STAB2: variants seen among roughly 807,000 people sequenced by gnomAD.
STAB2 encodes stabilin-2.
Under a neutral mutation model 338.1 loss-of-function variants are expected in STAB2, and 288 were observed. That is an observed-to-expected ratio of 0.85 (90% CI 0.77 to 0.94). STAB2 has a LOEUF of 0.94. Among genes scored for constraint, STAB2 ranks in the 40% least tolerant of loss-of-function variants. STAB2 has a pLI of 0.00. For missense variants in STAB2, 3,141 were observed against 3,210.1 expected, an observed-to-expected ratio of 0.98 and a Z score of 0.52; for synonymous variants, 1,202 against 1,193.3, an observed-to-expected ratio of 1.01 and a Z score of -0.15.
At chr12:103,757,670 A>T (rs150353337) in intron 63 of STAB2, among the ~76,000 whole-genome samples, 372 of 152,348 alleles carry the variant, frequency 2.4e-3, no homozygotes, top group African/African-American at 8.5e-3. Flanking sequence ...TCCAGGCAGA[A>T]GGAACAGTCC....
chr12:103,765,680 A>G (rs974413997), intron 68 of STAB2, among the ~76,000 whole-genome samples: 2 of 152,100 alleles, frequency 1.3e-5, no homozygotes, highest in Non-Finnish European at 2.9e-5. Context: ...CCTCCCGAGT[A>G]GCTGGGCCTA....
rs758529143 is a variant in STAB2, at chr12:103,689,997, T to C, written c.3182+15T>C. ...GCCCTAATAAAGTAGGTGTTACTTATTTTATTTTACATCGTATCTGAATGG... is the reference window on the plus strand; with the variant it reads ...GCCCTAATAAAGTAGGTGTTACTTACTTTATTTTACATCGTATCTGAATGG... On this transcript the variant is annotated intron_variant, in intron 29 of 68. Coordinates refer to ENST00000388887, the MANE Select transcript of STAB2 (RefSeq NM_017564.10). 6.2e-7 allele frequency: 1 copy of C among 1,609,806 alleles called. No individual in the cohort carries two copies. Among genetic ancestry groups the C allele is most frequent in the African/African-American group, 1.3e-5 (1 of 74,632 alleles).
In STAB2 at chr12:103,601,632, G is replaced by C. The variant is rs559073272; in HGVS notation, c.331+7122G>C. ...AGAAACCCTTAAAGACCAAGCTCTG[G>C]CTTCTGGAATGTGCTCAGCAATGCT... On this transcript the variant is annotated intron_variant, in intron 3 of 68. Transcript: ENST00000388887. Among the ~76,000 whole-genome samples, 15 of 152,258 alleles carry C rather than the reference G, an allele frequency of 9.9e-5. No individual in the cohort carries two copies. The East Asian group carries it at 2.3e-3, about 23-fold the overall frequency.
intron 3 of STAB2, among the ~76,000 whole-genome samples, chr12:103,606,999 A>G (rs1957038885): frequency 6.6e-6 from 1 of 152,130 alleles, no homozygotes; most frequent in African/African-American, 2.4e-5. Context: ...CAAAACAAAA[A>G]ACAAAAACAA....
chr12:103,652,664 A>T lies in STAB2; in HGVS notation c.1366A>T (p.Thr456Ser). Residue 456 changes from threonine to serine, a missense_variant, in exon 12 of 69, where the codon ACC (threonine) becomes TCC (serine). Coordinates refer to ENST00000388887, the MANE Select transcript of STAB2 (RefSeq NM_017564.10). ...EYMNNTDMFY[T>S]LTGKSGEIFN... Reference sequence around the variant, plus strand: ...TATGAATAACACAGACATGTTCTACACCTTGACTGGAAAGTCGGGGGAAAT... The same window carrying T: ...TATGAATAACACAGACATGTTCTACTCCTTGACTGGAAAGTCGGGGGAAAT... 6.2e-7 allele frequency: 1 copy of T among 1,603,986 alleles called. No individual in the cohort carries two copies. Among genetic ancestry groups the T allele is most frequent in the Non-Finnish European group, 8.5e-7 (1 of 1,176,030 alleles).
chr12:103,730,022 A>G, intron 48 of STAB2, 94 bp from the exon 49 acceptor site: 1 of 1,260,866 alleles, frequency 7.9e-7, no homozygotes, highest in South Asian at 1.8e-5. Flanking sequence ...TTTGCTCCTG[A>G]TAATTTGACA....
intron 22 of STAB2, among the ~76,000 whole-genome samples, chr12:103,671,713 G>A (rs1400746293): frequency 6.6e-6 from 1 of 152,070 alleles, no homozygotes; most frequent in Non-Finnish European, 1.5e-5. Flanking sequence ...ATCTATTGTT[G>A]TTGCTGTTAG....
At chr12:103,627,469 G>T (rs1209426970) in intron 5 of STAB2, among the ~76,000 whole-genome samples, 3 of 152,158 alleles carry the variant, frequency 2.0e-5, no homozygotes, top group African/African-American at 7.2e-5. Flanking sequence ...TTAAAGTCAC[G>T]CCACCCAAGT....
chr12:103,736,955 C>T (rs1244163683), intron 52 of STAB2, among the ~76,000 whole-genome samples: 1 of 152,164 alleles, frequency 6.6e-6, no homozygotes, highest in Non-Finnish European at 1.5e-5. Flanking sequence ...TTATTGCCAG[C>T]ATTAAATGAA....
intron 21 of STAB2, 34 bp from the exon 22 acceptor site, chr12:103,670,662 C>T (rs749584062): frequency 6.5e-7 from 1 of 1,541,686 alleles, no homozygotes; most frequent in Non-Finnish European, 9.0e-7. Flanking sequence ...AACTATGTGT[C>T]CTAATGGCCC....
At chr12:103,710,628 A>G (rs1206325213) in intron 39 of STAB2, among the ~76,000 whole-genome samples, 2 of 152,190 alleles carry the variant, frequency 1.3e-5, no homozygotes, top group African/African-American at 2.4e-5. Flanking sequence ...TGAAATGCCA[A>G]TAGGTAGAGA....
intron 54 of STAB2, 42 bp downstream of exon 54, chr12:103,739,510 C>G: frequency 6.8e-7 from 1 of 1,474,170 alleles, no homozygotes; most frequent in Admixed American, 2.0e-5. Context: ...AGCCATAGGT[C>G]TGTTTCATTA....
chr12:103,713,642 G>A lies in STAB2; in HGVS notation c.4412-1G>A. ...CTTCTGCTCTGTGTCATCTTCTATAGCAATCAATGCCTGTGAGATCAGCAA... is the reference window on the plus strand; with the variant it reads ...CTTCTGCTCTGTGTCATCTTCTATAACAATCAATGCCTGTGAGATCAGCAA... On this transcript the variant is annotated splice_acceptor_variant, in intron 41 of 68. Transcript: ENST00000388887. LOFTEE classifies it high-confidence loss of function. 1 of 1,613,696 alleles carries A rather than the reference G, an allele frequency of 6.2e-7. No homozygotes were observed. Among genetic ancestry groups the A allele is most frequent in the Non-Finnish European group, 8.5e-7 (1 of 1,179,756 alleles).
At chr12:103,706,026 T>G (rs571151874) in intron 37 of STAB2, among the ~76,000 whole-genome samples, 11 of 152,308 alleles carry the variant, frequency 7.2e-5, no homozygotes, top group Non-Finnish European at 1.5e-5. Context: ...GTGAGCATGC[T>G]TGTAAGCAAA....
At chr12:103,758,972 A>G (rs575965441) in intron 64 of STAB2, among the ~76,000 whole-genome samples, 161 bp from the exon 65 acceptor site, 16 of 152,348 alleles carry the variant, frequency 1.1e-4, no homozygotes, top group Admixed American at 9.8e-4. Context: ...CAGAGCCCAG[A>G]CAACCAGAAG....
intron 3 of STAB2, among the ~76,000 whole-genome samples, chr12:103,604,227 T>C (rs991295337): frequency 3.3e-5 from 5 of 152,142 alleles, no homozygotes; most frequent in Admixed American, 6.5e-5. Flanking sequence ...CTTACCATGA[T>C]GTATTTATCA....
intron 5 of STAB2, among the ~76,000 whole-genome samples, chr12:103,623,021 C>T (rs982213921): frequency 1.3e-5 from 2 of 152,198 alleles, no homozygotes; most frequent in African/African-American, 4.8e-5. Context: ...TGTTCACTCT[C>T]TTATTTTTGG....
chr12:103,673,392 G>A (rs1359884310), intron 22 of STAB2, among the ~76,000 whole-genome samples: 2 of 151,900 alleles, frequency 1.3e-5, no homozygotes, highest in Non-Finnish European at 2.9e-5. Flanking sequence ...TGTTGACCAG[G>A]CTGGAGTACA....
chr12:103,662,380 G>T (rs570237201), intron 17 of STAB2, among the ~76,000 whole-genome samples: 3 of 152,186 alleles, frequency 2.0e-5, no homozygotes, highest in African/African-American at 7.2e-5. Context: ...AGAAATCTTT[G>T]CTAATTGGTT....
Sources: gnomAD v4.1 joint callset for allele counts (sites outside exome capture counted in the v4.1 genomes callset) on GRCh38, gnomAD v4.1.1 for gene constraint, MANE v1.5 for transcripts, NCBI Gene and HGNC (gene_info 2026-07-23, HGNC 2026-07-21) for gene names.